The following ITIH4 variants were observed in gnomAD, a reference collection of about 807,000 sequenced individuals.
The protein encoded by ITIH4 is inter-alpha-trypsin inhibitor heavy chain H4.
Under a neutral mutation model 111.8 loss-of-function variants are expected in ITIH4, and 79 were observed. The ratio of observed to expected loss-of-function variants is 0.71; its 90% CI spans 0.59 to 0.85. ITIH4 has a LOEUF of 0.85. ITIH4 is among the 40% of genes least tolerant of loss of function. The pLI is 0.00. For missense variants in ITIH4, 1,065 were observed against 1,195.8 expected (o/e 0.89, Z 1.61); for synonymous variants, 472 against 468.3 (o/e 1.01, Z -0.10).
intron 11 of ITIH4, 88 bp from the exon 12 acceptor site, chr3:52,821,218 G>T: frequency 6.7e-7 from 1 of 1,483,246 alleles, no homozygotes; most frequent in Non-Finnish European, 9.1e-7. Context: ...CATGATTGGG[G>T]CTGGGGCAGG....
At chr3:52,820,102 T>A in intron 14 of ITIH4, 112 bp from the exon 15 acceptor site, 4 of 1,318,108 alleles carry the variant, frequency 3.0e-6, no homozygotes, top group Non-Finnish European at 4.4e-6. Flanking sequence ...ACAGCCAATA[T>A]TTGAATGCAC....
chr3:52,820,332 G>C lies in ITIH4; in HGVS notation c.1835-15C>G. 1 of 1,462,220 alleles carries C rather than the reference G, an allele frequency of 6.8e-7. No homozygotes were observed. Among genetic ancestry groups the C allele is most frequent in the Non-Finnish European group, 9.4e-7 (1 of 1,063,636 alleles). The allele number at this position is 1,462,220 out of a possible 1,614,324, so 90.6% of individuals were successfully genotyped here. A position where few individuals can be genotyped will look rare whatever the true frequency, so the allele number is the denominator to read the frequency against. On this transcript the variant is annotated splice_polypyrimidine_tract_variant and intron_variant, in intron 13 of 23. Transcript: ENST00000266041. ...GTTTCTACTTTCTGGATAAAACAAA[G>C]AGAGAGAGAGAGACAGACAGACAGA...
At chr3:52,820,365 A>G (rs1700358984) in intron 13 of ITIH4, 48 bp from the exon 14 acceptor site, 3 of 1,590,796 alleles carry the variant, frequency 1.9e-6, no homozygotes, top group Non-Finnish European at 8.6e-7. Context: ...AGAGACACAG[A>G]CAGACACCGT....
chr3:52,827,090 C>T lies in ITIH4; in HGVS notation c.356+3G>A. 6.2e-7 allele frequency: 1 copy of T among 1,613,894 alleles called. No individual in the cohort carries two copies. The highest frequency in any genetic ancestry group is 2.2e-5 in the East Asian group (1 of 44,856). Reference sequence around the variant, plus strand: ...CCACTGAAGCTGCCCCCCACCAGCTCACTTGACGAGGCCAGCGCTCTTTCC... The same window carrying T: ...CCACTGAAGCTGCCCCCCACCAGCTTACTTGACGAGGCCAGCGCTCTTTCC... On this transcript the variant is annotated splice_donor_region_variant and intron_variant, in intron 3 of 23. Coordinates refer to ENST00000266041, the MANE Select transcript of ITIH4 (RefSeq NM_002218.5).
chr3:52,822,518 T>G (rs974560112), intron 11 of ITIH4, among the ~76,000 whole-genome samples: 1 of 152,140 alleles, frequency 6.6e-6, no homozygotes, highest in African/African-American at 2.4e-5. Flanking sequence ...CCTGCTGACA[T>G]GTATGGAGTG....
rs769962022 is a variant in ITIH4, at chr3:52,830,488, T to C, written c.90+65A>G. On this transcript the variant is annotated intron_variant, in intron 1 of 23. Transcript: ENST00000266041. ...CTGACACGCTGGCACATGCGGAGGC[T>C]CTTCCCCACTTCCCAGGCGTTCTCT... is the stretch of plus-strand genomic sequence containing the variant. The C allele has an allele frequency of 2.7e-6, 4 of 1,463,754 alleles. No individual in the cohort carries two copies. The African/African-American group carries it at 4.2e-5, about 15-fold the overall frequency. 90.7% of individuals were successfully genotyped at this position (1,463,754 alleles called of 1,614,324 possible). A position where few individuals can be genotyped will look rare whatever the true frequency, so the allele number is the denominator to read the frequency against.
chr3:52,820,281 C>A lies in ITIH4; in HGVS notation c.1861+10G>T. 6.2e-7 allele frequency: 1 copy of A among 1,614,036 alleles called. No homozygotes were observed. The highest frequency in any genetic ancestry group is 1.1e-5 in the South Asian group (1 of 91,068). On this transcript the variant is annotated intron_variant, in intron 14 of 23. Coordinates refer to ENST00000266041, the MANE Select transcript of ITIH4 (RefSeq NM_002218.5). ...ACCCAGCACAGCCTTTGAGGATGTT[C>A]GCTGCTTACCTGAGTGGACATTCCT...
intron 1 of ITIH4, chr3:52,830,093 C>T (rs1032008740): frequency 1.3e-5 from 4 of 315,392 alleles, no homozygotes; most frequent in Admixed American, 4.7e-5. Flanking sequence ...ATTTGCTCTG[C>T]GACAAGCACT....
chr3:52,818,938 G>C (rs1221040654), intron 17 of ITIH4: 2 of 285,352 alleles, frequency 7.0e-6, no homozygotes, highest in East Asian at 8.7e-5. Context: ...GTGGGGAGAG[G>C]GGCCTTCAGA....
Position 52,820,640 on chromosome 3 carries a change from T to C in ITIH4, c.1825A>G (p.Met609Val). Residue 609 changes from methionine to valine, a missense_variant, in exon 13 of 24, where the codon ATG becomes GTG. Physicochemically the swap from Met to Val is conservative, Grantham distance 21 (BLOSUM62 1). Coordinates refer to ENST00000266041, the MANE Select transcript of ITIH4 (RefSeq NM_002218.5). ...TCAACCCCACACCCACCGCCTTCCATGGGCTTCTCAGCAACTTGAGACTGC... is the reference window on the plus strand; with the variant it reads ...TCAACCCCACACCCACCGCCTTCCACGGGCTTCTCAGCAACTTGAGACTGC... ...QEQSQVAEKPMEGESRNRNVH... is the reference protein window; with the variant it reads ...QEQSQVAEKPVEGESRNRNVH... The C allele has an allele frequency of 6.2e-7, 1 of 1,610,178 alleles. No individual in the cohort carries two copies. Among genetic ancestry groups the C allele is most frequent in the Non-Finnish European group, 8.5e-7 (1 of 1,177,644 alleles).
rs747270855 is a variant in ITIH4, at chr3:52,821,111, A to C, written c.1559T>G (p.Phe520Cys). 1 of 1,613,490 alleles carries C rather than the reference A, an allele frequency of 6.2e-7. No individual in the cohort carries two copies. Among genetic ancestry groups the C allele is most frequent in the African/African-American group, 1.3e-5 (1 of 74,894 alleles). The change falls in exon 12 of 24, where the codon TTC becomes TGC. Residue 520 changes from phenylalanine to cysteine, a missense_variant. Phe to Cys is a radical substitution (Grantham distance 205). Transcript: ENST00000266041. ...CTCTGCCACACTGGACTCCGTTTGG[A>C]AAGTGATGTTCTGTGTAGGCTGGAA... ...SGKLPTQNIT[F>C]QTESSVAEQE...
In ITIH4 at chr3:52,814,025, A is replaced by G. The variant is rs749728043; in HGVS notation, c.2673T>C (p.Asp891=). The change falls in exon 23 of 24, where the codon GAT becomes GAC. Residue 891 remains aspartate (D), a synonymous_variant. Transcript: ENST00000266041. ...EVLWGSPAAS[D]DGRRTLRVQG... ...GAACCCTCAGCGTGCGTCTGCCGTC[A>G]TCTGATGCTGCTGGAGATCCCCAGA... 6.2e-7 allele frequency: 1 copy of G among 1,613,950 alleles called. No homozygotes were observed. Among genetic ancestry groups the G allele is most frequent in the South Asian group, 1.1e-5 (1 of 91,034 alleles).
chr3:52,818,623 C>T (rs1230030972), intron 17 of ITIH4, 87 bp from the exon 18 acceptor site: 3 of 1,104,232 alleles, frequency 2.7e-6, no homozygotes, highest in Non-Finnish European at 4.0e-6. Context: ...AAGCTCCAGC[C>T]CCCCATCCTG....
chr3:52,820,762 T>C lies in ITIH4; in HGVS notation c.1703A>G (p.Gln568Arg), dbSNP rs762526671. 3 of 1,613,482 alleles carry C rather than the reference T, an allele frequency of 1.9e-6. No individual in the cohort carries two copies. The highest frequency in any genetic ancestry group is 2.5e-6 in the Non-Finnish European group (3 of 1,179,702). Residue 568 changes from glutamine (Q) to arginine (R), a missense_variant, in exon 13 of 24, where the codon CAG becomes CGG. Gln to Arg is a conservative substitution (Grantham distance 43, BLOSUM62 1). Coordinates refer to ENST00000266041, the MANE Select transcript of ITIH4 (RefSeq NM_002218.5). ...CAGCGCTTGGTTCCGGAGGGCCTGCTGATCAGCATCGGATGCGGAGACACT... is the reference window on the plus strand; with the variant it reads ...CAGCGCTTGGTTCCGGAGGGCCTGCCGATCAGCATCGGATGCGGAGACACT... ...EQTVSASDADQQALRNQALNL... is the reference protein window; with the variant it reads ...EQTVSASDADRQALRNQALNL...
At chr3:52,830,530 C>T in intron 1 of ITIH4, 23 bp downstream of exon 1, 1 of 1,609,788 alleles carries the variant, frequency 6.2e-7, no homozygotes, top group African/African-American at 1.3e-5. Context: ...CCAGCTCACG[C>T]CACACCCATG....
intron 18 of ITIH4, 65 bp downstream of exon 18, chr3:52,818,397 A>T: frequency 6.3e-7 from 1 of 1,575,160 alleles, no homozygotes; most frequent in Non-Finnish European, 8.7e-7. Flanking sequence ...ACATCGAGAC[A>T]TGTGACAGGT....
chr3:52,821,281 G>A (rs1700376992), intron 11 of ITIH4, 151 bp from the exon 12 acceptor site: 1 of 890,930 alleles, frequency 1.1e-6, no homozygotes, highest in East Asian at 2.5e-5. Flanking sequence ...GGTAAGGAGG[G>A]GGCTTAGGGG....
chr3:52,815,507 G>C (rs1700267132), intron 21 of ITIH4, among the ~76,000 whole-genome samples: 1 of 152,016 alleles, frequency 6.6e-6, no homozygotes. Context: ...CTCCCAAAGT[G>C]CTGGGATTAC....
intron 21 of ITIH4, among the ~76,000 whole-genome samples, chr3:52,814,727 C>A (rs1330616489): frequency 1.3e-5 from 2 of 152,234 alleles, no homozygotes; most frequent in Admixed American, 1.3e-4. Context: ...GCTGGTACTG[C>A]AGGTACATGC....
Sources: allele counts gnomAD v4.1 joint callset (sites outside exome capture counted in the v4.1 genomes callset), GRCh38; gene constraint gnomAD v4.1.1; transcripts MANE v1.5; gene names NCBI Gene and HGNC (gene_info 2026-07-23, HGNC 2026-07-21).